The following MRPS27 variants were observed in gnomAD, a reference collection of about 807,000 sequenced individuals.
MRPS27 encodes the protein mitochondrial ribosomal protein S27, also known as small ribosomal subunit protein mS27.
MRPS27 carries 43 observed loss-of-function variants against 48.9 expected under a neutral mutation model. The ratio of observed to expected loss-of-function variants is 0.88; its 90% confidence interval spans 0.69 to 1.13. MRPS27 has a LOEUF of 1.13. MRPS27 is among the 50% of genes most tolerant of loss of function. The pLI is 0.00. For missense variants in MRPS27, 467 were observed against 476.3 expected, an observed-to-expected ratio of 0.98 and a Z score of 0.18; for synonymous variants, 188 against 171.9, an observed-to-expected ratio of 1.09 and a Z score of -0.73.
intron 10 of MRPS27, among the ~76,000 whole-genome samples, chr5:72,221,756 C>T (rs1747748590): frequency 6.6e-6 from 1 of 152,234 alleles, no homozygotes; most frequent in South Asian, 2.1e-4. Flanking sequence ...TGAGTGCCTG[C>T]ACCGTTAGAA....
chr5:72,297,859 T>C (rs1165078615), intron 2 of MRPS27, among the ~76,000 whole-genome samples, 157 bp from the exon 3 acceptor site: 6 of 152,188 alleles, frequency 3.9e-5, no homozygotes, highest in Non-Finnish European at 7.3e-5. Flanking sequence ...AAGAATATTC[T>C]TTAAAACATT....
chr5:72,221,230 G>C, intron 10 of MRPS27, 82 bp from the exon 11 acceptor site: 1 of 1,511,264 alleles, frequency 6.6e-7, no homozygotes, highest in Non-Finnish European at 8.9e-7. Flanking sequence ...AGCCCTGAGT[G>C]ACTGACTTTA....
At chr5:72,273,372 A>G (rs1472083890) in intron 4 of MRPS27, among the ~76,000 whole-genome samples, 1 of 152,226 alleles carries the variant, frequency 6.6e-6, no homozygotes, top group East Asian at 1.9e-4. Context: ...GAAGATAATA[A>G]AACCCTATAA....
At chr5:72,315,683 C>T (rs1030239457) in intron 1 of MRPS27, among the ~76,000 whole-genome samples, 10 of 151,670 alleles carry the variant, frequency 6.6e-5, no homozygotes, top group Admixed American at 5.9e-4. Context: ...CCTGGAGAAA[C>T]GAATGATACT....
chr5:72,272,136 G>A (rs1749263809), intron 4 of MRPS27, among the ~76,000 whole-genome samples: 1 of 152,126 alleles, frequency 6.6e-6, no homozygotes, highest in African/African-American at 2.4e-5. Context: ...TAGATCAAGG[G>A]TTGGCAAACT....
At chr5:72,268,544 C>A (rs1334846648) in intron 4 of MRPS27, among the ~76,000 whole-genome samples, 2 of 152,102 alleles carry the variant, frequency 1.3e-5, no homozygotes, top group East Asian at 3.8e-4. Context: ...AGCTGACAAA[C>A]AATGTTTTTA....
At chr5:72,230,902 T>C (rs1283125217) in intron 7 of MRPS27, among the ~76,000 whole-genome samples, 1 of 152,118 alleles carries the variant, frequency 6.6e-6, no homozygotes, top group South Asian at 2.1e-4. Context: ...CTTCCAAATA[T>C]GCCCATTGGC....
intron 4 of MRPS27, among the ~76,000 whole-genome samples, chr5:72,249,368 G>A (rs1748594736): frequency 6.6e-6 from 1 of 152,184 alleles, no homozygotes; most frequent in Non-Finnish European, 1.5e-5. Context: ...CCTTCAATAA[G>A]GTTAGATTGG....
chr5:72,236,524 T>A (rs959553159), intron 5 of MRPS27, among the ~76,000 whole-genome samples: 2 of 152,152 alleles, frequency 1.3e-5, no homozygotes, highest in African/African-American at 2.4e-5. Context: ...TTGAGTGTAA[T>A]CTGTGACATT....
intron 4 of MRPS27, among the ~76,000 whole-genome samples, chr5:72,258,335 A>C (rs2111995133): frequency 6.6e-6 from 1 of 152,306 alleles, no homozygotes; most frequent in Non-Finnish European, 1.5e-5. Context: ...TTAGAGGCTT[A>C]TCAAGCAAAG....
At chr5:72,231,557 C>A (rs556107582) in intron 7 of MRPS27, among the ~76,000 whole-genome samples, 1 of 152,136 alleles carries the variant, frequency 6.6e-6, no homozygotes, top group Non-Finnish European at 1.5e-5. Flanking sequence ...CTAGCACTTG[C>A]CAATGTATGG....
chr5:72,236,311 T>C (rs916880305), intron 5 of MRPS27, among the ~76,000 whole-genome samples: 2 of 152,132 alleles, frequency 1.3e-5, no homozygotes, highest in African/African-American at 4.8e-5. Context: ...AAATCACTGA[T>C]TTACTACAAC....
At chr5:72,314,308 T>A (rs1340850990) in intron 1 of MRPS27, 150 bp from the exon 2 acceptor site, 1 of 473,646 alleles carries the variant, frequency 2.1e-6, no homozygotes, top group Admixed American at 3.5e-5. Context: ...ATCGCATAGT[T>A]GACAATTCAG....
chr5:72,293,559 C>CATAG (rs1749891425), intron 4 of MRPS27, among the ~76,000 whole-genome samples: 1 of 152,128 alleles, frequency 6.6e-6, no homozygotes, highest in Non-Finnish European at 1.5e-5. Flanking sequence ...AAGAATTAAT[C>CATAG]ATAGAAGGTC....
At chr5:72,301,258 A>G (rs1326285191) in intron 2 of MRPS27, among the ~76,000 whole-genome samples, 1 of 152,214 alleles carries the variant, frequency 6.6e-6, no homozygotes, top group Non-Finnish European at 1.5e-5. Context: ...TCTTATGACT[A>G]TCTTAAAGGG....
chr5:72,235,049 C>T (rs1748164927), intron 5 of MRPS27, among the ~76,000 whole-genome samples: 1 of 152,104 alleles, frequency 6.6e-6, no homozygotes, highest in African/African-American at 2.4e-5. Context: ...GATTTTGATA[C>T]AGTCCTAACC....
chr5:72,308,403 C>T (rs1169018951), intron 2 of MRPS27, among the ~76,000 whole-genome samples: 1 of 152,230 alleles, frequency 6.6e-6, no homozygotes, highest in Admixed American at 6.5e-5. Context: ...AGCCTCATAT[C>T]GGCCCTCCTC....
chr5:72,308,431 G>A (rs1483974811), intron 2 of MRPS27, among the ~76,000 whole-genome samples: 2 of 152,236 alleles, frequency 1.3e-5, no homozygotes, highest in Non-Finnish European at 2.9e-5. Flanking sequence ...CAATCAGCGA[G>A]CCCGCTTTGA....
At chr5:72,308,241 A>C (rs17376565) in intron 2 of MRPS27, among the ~76,000 whole-genome samples, 1,868 of 152,318 alleles carry the variant, frequency 0.012, 18 homozygotes, top group Non-Finnish European at 0.018. Context: ...CCGGAACCGC[A>C]AGCCCACTCC....
Sources: allele counts gnomAD v4.1 joint callset (sites outside exome capture counted in the v4.1 genomes callset), GRCh38; gene constraint gnomAD v4.1.1; transcripts MANE v1.5; gene names NCBI Gene and HGNC (gene_info 2026-07-23, HGNC 2026-07-21).